ANO3: variants seen among roughly 807,000 people sequenced by gnomAD.
The protein encoded by ANO3 is anoctamin 3, also known as anoctamin-3.
ANO3 carries 99 observed loss-of-function variants against 144.8 expected under a neutral mutation model. The observed-to-expected ratio is 0.68, with a 90% CI of 0.58 to 0.81. ANO3 has a LOEUF of 0.81. Ranked by LOEUF, ANO3 falls within the 30% of genes least tolerant of loss-of-function variation. The pLI, the probability that ANO3 is intolerant of heterozygous loss-of-function variation, is 0.00. For synonymous variants in ANO3, 414 were observed against 392.6 expected (o/e 1.05, Z -0.64); for missense variants, 905 against 1,202.2 (o/e 0.75, Z 3.66).
chr11:26,360,244 A>G (rs980701109), intron 1 of ANO3, among the ~76,000 whole-genome samples: 2 of 122,480 alleles, frequency 1.6e-5, no homozygotes, highest in African/African-American at 6.4e-5. Context: ...TTAACTATAT[A>G]TGGTTTTCCC....
At chr11:26,235,554 A>G (rs956293569) in intron 1 of ANO3, among the ~76,000 whole-genome samples, 7 of 151,588 alleles carry the variant, frequency 4.6e-5, no homozygotes, top group African/African-American at 1.7e-4. Context: ...TGAAAAAAAT[A>G]AGAGAAGAAA....
At chr11:26,194,611 C>T (rs574228304) in intron 1 of ANO3, among the ~76,000 whole-genome samples, 23 of 152,062 alleles carry the variant, frequency 1.5e-4, no homozygotes, top group African/African-American at 5.3e-4. Flanking sequence ...AGGAATTCTC[C>T]TGCCTCAGCC....
chr11:26,238,181 C>T (rs922999690), intron 1 of ANO3, among the ~76,000 whole-genome samples: 1 of 151,940 alleles, frequency 6.6e-6, no homozygotes, highest in Non-Finnish European at 1.5e-5. Context: ...CCCTAGGATT[C>T]AAGCCATATT....
intron 1 of ANO3, among the ~76,000 whole-genome samples, chr11:26,252,565 G>C (rs909251125): frequency 5.9e-4 from 90 of 152,164 alleles, no homozygotes; most frequent in African/African-American, 2.1e-3. Context: ...TTGACCACCT[G>C]ATATTCCTAA....
intron 7 of ANO3, among the ~76,000 whole-genome samples, chr11:26,527,480 G>GA (rs1849192814): frequency 1.3e-5 from 2 of 151,918 alleles, no homozygotes. Flanking sequence ...AAATAGAAAA[G>GA]AAGTCTATAA....
intron 1 of ANO3, among the ~76,000 whole-genome samples, chr11:26,386,104 T>C (rs1012895896): frequency 6.6e-6 from 1 of 152,122 alleles, no homozygotes; most frequent in Non-Finnish European, 1.5e-5. Context: ...AAATGTATGA[T>C]GAGTTTGGGA....
intron 4 of ANO3, among the ~76,000 whole-genome samples, chr11:26,503,630 C>A (rs1163219291): frequency 1.2e-4 from 18 of 152,026 alleles, no homozygotes; most frequent in Non-Finnish European, 2.2e-4. Flanking sequence ...CATCATTAAA[C>A]ATTTAGAATT....
intron 1 of ANO3, among the ~76,000 whole-genome samples, chr11:26,230,310 A>T (rs1852363772): frequency 6.6e-6 from 1 of 152,178 alleles, no homozygotes; most frequent in Non-Finnish European, 1.5e-5. Flanking sequence ...TTCAATGGAG[A>T]GCACTTGTCA....
intron 17 of ANO3, among the ~76,000 whole-genome samples, chr11:26,620,570 C>T (rs550199423): frequency 2.0e-5 from 3 of 152,204 alleles, no homozygotes; most frequent in Admixed American, 6.5e-5. Context: ...GTTTCCTCCT[C>T]TGATTTTAAA....
intron 1 of ANO3, among the ~76,000 whole-genome samples, chr11:26,255,749 A>T (rs11029432): frequency 0.018 from 2,791 of 152,226 alleles, 69 homozygotes; most frequent in East Asian, 0.12. Context: ...TTTATACATT[A>T]ATCTTTCCCA....
At chr11:26,619,368 C>T (rs1852348442) in intron 17 of ANO3, among the ~76,000 whole-genome samples, 1 of 152,106 alleles carries the variant, frequency 6.6e-6, no homozygotes, top group African/African-American at 2.4e-5. Flanking sequence ...GTTACAAGTC[C>T]ATCTTACAGG....
intron 1 of ANO3, among the ~76,000 whole-genome samples, chr11:26,384,154 C>T (rs1856662015): frequency 6.6e-6 from 1 of 151,996 alleles, no homozygotes; most frequent in Non-Finnish European, 1.5e-5. Context: ...CCCGCCTTGG[C>T]CTCCCAAAGT....
chr11:26,339,578 T>G (rs987212495), intron 1 of ANO3, among the ~76,000 whole-genome samples: 1 of 151,762 alleles, frequency 6.6e-6, no homozygotes, highest in Admixed American at 6.6e-5. Flanking sequence ...TCACCACAGC[T>G]GTCTATAGCT....
Position 26,315,081 on chromosome 11 carries a change from G to A in ANO3, c.-3+5362G>A, listed in dbSNP as rs1375592410. Among the ~76,000 whole-genome samples the A allele has an allele frequency of 8.1e-5, 12 of 148,188 alleles. No homozygotes were observed. The East Asian group carries it at 2.3e-3, about 29-fold the overall frequency. On this transcript the variant is annotated intron_variant, in intron 1 of 26. Coordinates refer to the ANO3 transcript ENST00000525139. ...TTTTCTTTCCATAAATCCTAGGTAG[G>A]TCTATATTATGTATATTCTCAGAAA...
chr11:26,303,392 C>T (rs916063169), intron 1 of ANO3, among the ~76,000 whole-genome samples: 2 of 152,164 alleles, frequency 1.3e-5, no homozygotes, highest in African/African-American at 4.8e-5. Flanking sequence ...ATGCCCTTCG[C>T]AGCAACAAAG....
chr11:26,579,261 T>C (rs1438714196), intron 14 of ANO3, among the ~76,000 whole-genome samples: 1 of 152,168 alleles, frequency 6.6e-6, no homozygotes. Context: ...AAAAAGTTAT[T>C]ATAGCTAAAT....
intron 1 of ANO3, among the ~76,000 whole-genome samples, chr11:26,348,546 T>A (rs1446374019): frequency 6.6e-6 from 1 of 152,218 alleles, no homozygotes; most frequent in Non-Finnish European, 1.5e-5. Context: ...AATAAATTCC[T>A]GTCCTTAAGA....
chr11:26,537,180 T>G (rs1849532254), intron 9 of ANO3, among the ~76,000 whole-genome samples: 1 of 152,140 alleles, frequency 6.6e-6, no homozygotes, highest in Non-Finnish European at 1.5e-5. Flanking sequence ...TAAAATCATG[T>G]GGCAACTTGC....
chr11:26,234,105 A>G (rs1313297174), intron 1 of ANO3, among the ~76,000 whole-genome samples: 1 of 152,206 alleles, frequency 6.6e-6, no homozygotes, highest in Non-Finnish European at 1.5e-5. Flanking sequence ...AGAACTTAAA[A>G]TAAAAAACAA....
Sources: allele counts gnomAD v4.1 joint callset (sites outside exome capture counted in the v4.1 genomes callset), GRCh38; gene constraint gnomAD v4.1.1; transcripts MANE v1.5; gene names NCBI Gene and HGNC (gene_info 2026-07-23, HGNC 2026-07-21).